Variants in ITSN2 observed in about 807,000 individuals in gnomAD.
ITSN2 encodes intersectin-2.
Under a neutral mutation model 243.7 loss-of-function variants are expected in ITSN2, and 156 were observed. That is an observed-to-expected ratio of 0.64 (90% confidence interval 0.56 to 0.73). ITSN2 has a LOEUF of 0.73. Among genes scored for constraint, ITSN2 ranks in the 30% least tolerant of loss-of-function variants. The pLI is 0.00. For synonymous variants in ITSN2, 703 were observed against 699.9 expected (o/e 1.00, Z -0.07); for missense variants, 1,801 against 1,996.1 (o/e 0.90, Z 1.86).
chr2:24,212,038 A>G (rs988291402), intron 33 of ITSN2, among the ~76,000 whole-genome samples: 5 of 152,214 alleles, frequency 3.3e-5, no homozygotes, highest in Non-Finnish European at 7.3e-5. Flanking sequence ...ACTGTAATCA[A>G]TGGTTAATCG....
intron 27 of ITSN2, among the ~76,000 whole-genome samples, chr2:24,248,166 A>C (rs1292565545): frequency 1.3e-5 from 2 of 152,156 alleles, no homozygotes; most frequent in Non-Finnish European, 2.9e-5. Context: ...TTAGGGAAAA[A>C]AAAAAGGTTC....
At chr2:24,318,394 C>T (rs898307960) in intron 2 of ITSN2, among the ~76,000 whole-genome samples, 2 of 152,106 alleles carry the variant, frequency 1.3e-5, no homozygotes, top group African/African-American at 4.8e-5. Context: ...GATCCTCCTG[C>T]CTTGACCTCC....
chr2:24,339,301 T>A (rs934343166), intron 1 of ITSN2, among the ~76,000 whole-genome samples: 1 of 100,176 alleles, frequency 1.0e-5, no homozygotes, highest in Non-Finnish European at 2.3e-5. Flanking sequence ...GGAAACTCCA[T>A]CTCTACAAAA....
At chr2:24,246,058 A>G (rs1171180908) in intron 29 of ITSN2, 71 bp downstream of exon 29, 2 of 957,514 alleles carry the variant, frequency 2.1e-6, no homozygotes, top group African/African-American at 3.3e-5. Context: ...TAATCCAGAA[A>G]AGGAATAAAT....
rs377521295 is a variant in ITSN2 at position 24,261,727 on chromosome 2, C to T, written c.2371G>A (p.Val791Ile). 105 of 1,611,790 alleles carry T rather than the reference C, an allele frequency of 6.5e-5. No homozygotes were observed. Among genetic ancestry groups the T allele is most frequent in the East Asian group, 2.0e-4 (9 of 44,774 alleles). Residue 791 changes from valine (V) to isoleucine (I), a missense_variant, in exon 21 of 40, where the codon GTA (valine) becomes ATA (isoleucine). Around this residue, in one of 5 missense-constraint regions of ITSN2, gnomAD observed 787 missense variants for 803.9 expected, o/e 0.98. Coordinates refer to ENST00000355123, the MANE Select transcript of ITSN2 (RefSeq NM_006277.3). The stretch of plus-strand genomic sequence containing the variant: ...CCATAAAGCCAACCAGGTTCTCCTA[C>T]GGTTTTTTCATCAACCTACGGAAAT... ...GDIIQVDEKT[V>I]GEPGWLYGSF...
intron 1 of ITSN2, among the ~76,000 whole-genome samples, chr2:24,332,868 C>T (rs1311642356): frequency 6.6e-6 from 1 of 152,172 alleles, no homozygotes; most frequent in African/African-American, 2.4e-5. Flanking sequence ...ATTCAATACA[C>T]TTCTGTTGAT....
intron 1 of ITSN2, among the ~76,000 whole-genome samples, chr2:24,346,158 A>G (rs533070985): frequency 9.1e-4 from 138 of 152,304 alleles, no homozygotes; most frequent in African/African-American, 3.3e-3. Flanking sequence ...ATAGCACAGA[A>G]AGGAGGGTGG....
At chr2:24,205,824 T>C in intron 37 of ITSN2, 1 of 165,006 alleles carries the variant, frequency 6.1e-6, no homozygotes, top group Non-Finnish European at 1.3e-5. Flanking sequence ...AGGCATGTGC[T>C]AGACTTATGT....
Position 24,310,453 on chromosome 2 carries a change from C to T in ITSN2, c.556+36G>A, listed in dbSNP as rs778839176. The stretch of plus-strand genomic sequence containing the variant: ...CAAACACAAATAGTTTCTTTCTTTA[C>T]ATGAAATAATGACTCTTTAGAAACA... On this transcript the variant is annotated intron_variant, in intron 6 of 39. Transcript: ENST00000355123. 3 of 1,608,690 alleles carry T rather than the reference C, an allele frequency of 1.9e-6. No individual in the cohort carries two copies. In the South Asian group the frequency reaches 3.3e-5, roughly 18 times the overall value.
rs573954900 is a variant in ITSN2 at position 24,220,730 on chromosome 2, A to C, written c.3699+215T>G. On this transcript the variant is annotated intron_variant, in intron 30 of 39. Coordinates refer to ENST00000355123, the MANE Select transcript of ITSN2 (RefSeq NM_006277.3). Reference sequence around the variant, plus strand: ...ACTCTGAGTGACCTCATCTGGGGGAAAGAGCTCATTAGAGACTTTCAATCT... The same window carrying C: ...ACTCTGAGTGACCTCATCTGGGGGACAGAGCTCATTAGAGACTTTCAATCT... 96 of 1,350,310 alleles carry C rather than the reference A, an allele frequency of 7.1e-5. No homozygotes were observed. In the African/African-American group the frequency reaches 1.2e-3, roughly 17 times the overall value. The allele number at this position is 1,350,310 out of a possible 1,614,324, so 83.6% of individuals were successfully genotyped here. A position where few individuals can be genotyped will look rare whatever the true frequency, so the allele number is the denominator to read the frequency against.
At chr2:24,332,794 C>T (rs1420717029) in intron 1 of ITSN2, among the ~76,000 whole-genome samples, 1 of 152,066 alleles carries the variant, frequency 6.6e-6, no homozygotes, top group Non-Finnish European at 1.5e-5. Context: ...CAACAGATAC[C>T]AAAAACTTTG....
chr2:24,240,956 G>A (rs1672660383), intron 29 of ITSN2: 1 of 152,100 alleles, frequency 6.6e-6, no homozygotes, highest in Non-Finnish European at 1.5e-5. Flanking sequence ...AGGAAAAGAA[G>A]TAAATTCTTA....
intron 13 of ITSN2, among the ~76,000 whole-genome samples, chr2:24,296,412 C>G (rs943779759): frequency 6.6e-6 from 1 of 152,056 alleles, no homozygotes; most frequent in Non-Finnish European, 1.5e-5. Context: ...TGTTAAAGTC[C>G]CAAGCCCCAG....
At chr2:24,206,606 G>A (rs1020455225) in intron 37 of ITSN2, among the ~76,000 whole-genome samples, 5 of 152,242 alleles carry the variant, frequency 3.3e-5, no homozygotes, top group Non-Finnish European at 4.4e-5. Flanking sequence ...AGACCATTGC[G>A]GCTCCACTGA....
chr2:24,243,963 G>A (rs1301851928), intron 29 of ITSN2, among the ~76,000 whole-genome samples: 2 of 152,332 alleles, frequency 1.3e-5, no homozygotes, highest in East Asian at 1.9e-4. Context: ...GATATAGACT[G>A]TTTTCTGTAT....
chr2:24,208,469 A>T, intron 36 of ITSN2, 150 bp from the exon 37 acceptor site: 1 of 649,308 alleles, frequency 1.5e-6, no homozygotes, highest in South Asian at 1.8e-5. Context: ...CAACTGAAAG[A>T]TGCTTATGCT....
In ITSN2 at chr2:24,337,340, A is replaced by ATATATATG. The variant is rs1558650719; in HGVS notation, c.-33-9226_-33-9225insCATATATA. ...AATATATATATATATATATATATAT[A>ATATATATG]TATATATATATATGTAATTTTTTTT... On this transcript the variant is annotated intron_variant, in intron 1 of 39. Coordinates refer to ENST00000355123, the MANE Select transcript of ITSN2 (RefSeq NM_006277.3). Among the ~76,000 whole-genome samples the ATATATATG allele has an allele frequency of 2.2e-3, 242 of 112,352 alleles. 21 individuals are homozygous for ATATATATG. The highest frequency in any genetic ancestry group is 8.1e-3 in the African/African-American group (234 of 28,820). 73.7% of individuals were successfully genotyped at this position (112,352 alleles called of 152,430 possible).
rs1688851660 is a variant in ITSN2, at chr2:24,360,387, G to A, written c.-117C>T. The stretch of plus-strand genomic sequence containing the variant: ...GGCAGCCTGGGCGCGGGCAGGCGCG[G>A]GGAGACCCTGCTCTGCCGCCGTCGC... On this transcript the variant is annotated 5_prime_UTR_variant, in exon 1 of 40. Coordinates refer to ENST00000355123, the MANE Select transcript of ITSN2 (RefSeq NM_006277.3). 1 of 152,406 alleles carries A rather than the reference G, an allele frequency of 6.6e-6. No individual in the cohort carries two copies. Among genetic ancestry groups the A allele is most frequent in the South Asian group, 2.1e-4 (1 of 4,842 alleles). The allele number at this position is 152,406 out of a possible 1,614,324, so 9.4% of individuals were successfully genotyped here. A position where few individuals can be genotyped will look rare whatever the true frequency, so the allele number is the denominator to read the frequency against.
intron 1 of ITSN2, among the ~76,000 whole-genome samples, chr2:24,332,294 C>A (rs1685883471): frequency 6.6e-6 from 1 of 152,044 alleles, no homozygotes; most frequent in Admixed American, 6.5e-5. Context: ...CCATGTCCTG[C>A]CTGAAATACC....
Sources: gnomAD v4.1 joint callset for allele counts (sites outside exome capture counted in the v4.1 genomes callset) on GRCh38, gnomAD v4.1.1 for gene constraint, gnomAD v4.1.1 regional missense constraint, MANE v1.5 for transcripts, NCBI Gene and HGNC (gene_info 2026-07-23, HGNC 2026-07-21) for gene names.